The following ERBB4 variants were observed in gnomAD, a reference collection of about 807,000 sequenced individuals.
The protein encoded by ERBB4 is receptor tyrosine-protein kinase erbB-4.
ERBB4 carries 42 observed loss-of-function variants against 158.0 expected under a neutral mutation model. That is an observed-to-expected ratio of 0.27 (90% confidence interval 0.21 to 0.34). The LOEUF is 0.34. Among genes scored for constraint, ERBB4 ranks in the 10% least tolerant of loss-of-function variants. ERBB4 has a pLI of 1.00. For synonymous variants in ERBB4, 583 were observed against 558.7 expected, an observed-to-expected ratio of 1.04 and a Z score of -0.61; for missense variants, 1,333 against 1,624.1, an observed-to-expected ratio of 0.82 and a Z score of 3.08.
In ERBB4 at chr2:211,773,630, A is replaced by AT. The variant is rs1341164473; in HGVS notation, c.556+14394dup. 3.1e-3 allele frequency among the ~76,000 whole-genome samples: 153 copies of AT among 49,898 alleles called. 1 individual carries two copies. The highest frequency in any genetic ancestry group is 0.015 in the African/African-American group (140 of 9,432). The allele number at this position is 49,898 out of a possible 152,430, so 32.7% of individuals were successfully genotyped here. A position where few individuals can be genotyped will look rare whatever the true frequency, so the allele number is the denominator to read the frequency against. On this transcript the variant is annotated intron_variant, in intron 4 of 27. Coordinates refer to ENST00000342788, the MANE Select transcript of ERBB4 (RefSeq NM_005235.3). ...TATATATATATATATATATATATAT[A>AT]TATATATATATATATATAATATATA... is the stretch of plus-strand genomic sequence containing the variant.
chr2:212,389,255 T>C (rs1037989838), intron 1 of ERBB4, among the ~76,000 whole-genome samples: 12 of 152,022 alleles, frequency 7.9e-5, no homozygotes, highest in African/African-American at 2.9e-4. Flanking sequence ...TAAAAATAGA[T>C]ACATATATTG....
Position 211,968,494 on chromosome 2 carries a change from C to A in ERBB4, c.235-20878G>T, listed in dbSNP as rs374345220. On this transcript the variant is annotated intron_variant, in intron 2 of 27. Transcript: ENST00000342788. ...AAAGCAGAATATGAAATACATAAAA[C>A]AGAGATTGTCTCAGACTACTTCACC... is the stretch of plus-strand genomic sequence containing the variant. Among the ~76,000 whole-genome samples, 93 of 152,112 alleles carry A rather than the reference C, an allele frequency of 6.1e-4. 2 individuals are homozygous for A. The South Asian group carries it at 0.017, about 27-fold the overall frequency.
chr2:212,189,081 T>TGGGGGG (rs1559694291), intron 1 of ERBB4, among the ~76,000 whole-genome samples: 1 of 121,006 alleles, frequency 8.3e-6, no homozygotes. Flanking sequence ...AACTTTTTTT[T>TGGGGGG]TGGGGGGGGG....
At position 211,382,082 on chromosome 2, in the gene ERBB4, A is replaced by T; in HGVS notation, c.*1533T>A. Reference sequence around the variant, plus strand: ...AGATTAGTGTGTTGGATAATAAAATAATTGCATGAGAAGATGTTTCACATT... The same window carrying T: ...AGATTAGTGTGTTGGATAATAAAATTATTGCATGAGAAGATGTTTCACATT... On this transcript the variant is annotated 3_prime_UTR_variant, in exon 28 of 28. Transcript: ENST00000342788. The T allele has an allele frequency of 4.3e-6, 1 of 229,922 alleles. No individual in the cohort carries two copies. Among genetic ancestry groups the T allele is most frequent in the East Asian group, 6.2e-5 (1 of 16,066 alleles). The allele number at this position is 229,922 out of a possible 1,614,324, so 14.2% of individuals were successfully genotyped here.
chr2:212,468,296 G>A (rs1688941844), intron 1 of ERBB4, among the ~76,000 whole-genome samples: 1 of 152,108 alleles, frequency 6.6e-6, no homozygotes, highest in South Asian at 2.1e-4. Context: ...GCCAGGGGTG[G>A]AATGATATGG....
chr2:211,819,265 T>C (rs1001381348), intron 3 of ERBB4, among the ~76,000 whole-genome samples: 1 of 151,946 alleles, frequency 6.6e-6, no homozygotes, highest in Non-Finnish European at 1.5e-5. Flanking sequence ...GATCTAGAGA[T>C]ATAAAAAAAT....
intron 1 of ERBB4, among the ~76,000 whole-genome samples, chr2:212,210,019 C>A (rs1292870541): frequency 1.3e-5 from 2 of 152,112 alleles, no homozygotes; most frequent in Non-Finnish European, 2.9e-5. Context: ...GAAAAGATAA[C>A]TTGCTCAGAA....
intron 1 of ERBB4, among the ~76,000 whole-genome samples, chr2:212,205,166 TTTTG>T (rs1027942260): frequency 5.3e-5 from 8 of 151,680 alleles, no homozygotes; most frequent in South Asian, 4.2e-4. Flanking sequence ...GATAGACAGA[TTTTG>T]TTTGTTTTGA....
chr2:211,897,900 G>GCA (rs1408144442), intron 3 of ERBB4, among the ~76,000 whole-genome samples: 3 of 151,774 alleles, frequency 2.0e-5, no homozygotes, highest in African/African-American at 7.3e-5. Flanking sequence ...GGGACTACAG[G>GCA]CACACACAAC....
chr2:211,518,625 G>T (rs1414443767), intron 20 of ERBB4, among the ~76,000 whole-genome samples: 1 of 151,958 alleles, frequency 6.6e-6, no homozygotes, highest in Non-Finnish European at 1.5e-5. Flanking sequence ...CTGCCCTCTA[G>T]CCTGGGTGAC....
In ERBB4 at chr2:211,816,527, C is replaced by T. The variant is rs571593319; in HGVS notation, c.422-28368G>A. Among the ~76,000 whole-genome samples, 70 of 112,054 alleles carry T rather than the reference C, an allele frequency of 6.2e-4. No homozygotes were observed. In the South Asian group the frequency reaches 0.014, roughly 23 times the overall value. 73.5% of individuals were successfully genotyped at this position (112,054 alleles called of 152,430 possible). On this transcript the variant is annotated intron_variant, in intron 3 of 27. Transcript: ENST00000342788. The stretch of plus-strand genomic sequence containing the variant: ...CTGCACTCCAGCCTGGGTGACAGAG[C>T]GAGAGCCCGTCTCAAAAAAAAAAAA...
intron 2 of ERBB4, among the ~76,000 whole-genome samples, chr2:212,055,380 AGCCAAAAG>A (rs1354957443): frequency 6.6e-6 from 1 of 152,002 alleles, no homozygotes; most frequent in African/African-American, 2.4e-5. Context: ...GGCAGGGCAT[AGCCAAAAG>A]GCAGACTTAA....
At chr2:211,743,742 T>C (rs568994194) in intron 5 of ERBB4, among the ~76,000 whole-genome samples, 1 of 152,286 alleles carries the variant, frequency 6.6e-6, no homozygotes, top group East Asian at 1.9e-4. Context: ...ACGACTACAT[T>C]AATCCACTAA....
chr2:211,724,966 A>C, intron 6 of ERBB4, 110 bp downstream of exon 6: 1 of 853,614 alleles, frequency 1.2e-6, no homozygotes, highest in East Asian at 2.4e-5. Context: ...TCTTAATCCT[A>C]AAGTGGCTAA....
chr2:212,370,204 G>C (rs993630987), intron 1 of ERBB4, among the ~76,000 whole-genome samples: 3 of 152,020 alleles, frequency 2.0e-5, no homozygotes, highest in African/African-American at 7.2e-5. Flanking sequence ...GCTATATAAG[G>C]GGCTTCCCCC....
At chr2:211,703,548 G>T (rs925772483) in intron 11 of ERBB4, among the ~76,000 whole-genome samples, 16 of 152,140 alleles carry the variant, frequency 1.1e-4, no homozygotes, top group African/African-American at 7.2e-5. Context: ...TGACATCAGA[G>T]AAATCTTTTA....
chr2:212,451,652 C>T (rs921132794), intron 1 of ERBB4, among the ~76,000 whole-genome samples: 1 of 152,128 alleles, frequency 6.6e-6, no homozygotes, highest in Non-Finnish European at 1.5e-5. Flanking sequence ...CAGTGCTACA[C>T]AAATAAATTA....
intron 1 of ERBB4, among the ~76,000 whole-genome samples, chr2:212,429,715 A>G (rs988463318): frequency 6.6e-6 from 1 of 151,786 alleles, no homozygotes; most frequent in Non-Finnish European, 1.5e-5. Context: ...TGAACACATG[A>G]TGAAACCATG....
intron 1 of ERBB4, among the ~76,000 whole-genome samples, chr2:212,249,466 G>C (rs2084446830): frequency 9.7e-6 from 1 of 103,250 alleles, no homozygotes. Context: ...CATACAATTA[G>C]CTAGAGGGAA....
Sources: allele counts gnomAD v4.1 joint callset (sites outside exome capture counted in the v4.1 genomes callset), GRCh38; gene constraint gnomAD v4.1.1; transcripts MANE v1.5; gene names NCBI Gene and HGNC (gene_info 2026-07-23, HGNC 2026-07-21).